The following RUFY1 variants were observed in gnomAD, a reference collection of about 807,000 sequenced individuals.
RUFY1 encodes RUN and FYVE domain containing 1, also known as RUN and FYVE domain-containing protein 1.
Under a neutral mutation model 94.6 loss-of-function variants are expected in RUFY1, and 54 were observed. The observed-to-expected ratio is 0.57, with a 90% CI of 0.46 to 0.72. RUFY1 has a LOEUF of 0.72. RUFY1 is among the 30% of genes least tolerant of loss of function. The pLI is 0.00. For synonymous variants in RUFY1, 396 were observed against 347.3 expected (o/e 1.14, Z -1.56); for missense variants, 883 against 883.9 (o/e 1.00, Z 0.01).
chr5:179,574,395 A>G (rs1415353418), intron 5 of RUFY1, among the ~76,000 whole-genome samples: 1 of 151,820 alleles, frequency 6.6e-6, no homozygotes, highest in African/African-American at 2.4e-5. Flanking sequence ...ACTCCGTCTC[A>G]AAAAAAATAA....
chr5:179,592,868 T>C (rs1454232127), intron 10 of RUFY1, among the ~76,000 whole-genome samples: 1 of 152,216 alleles, frequency 6.6e-6, no homozygotes, highest in Non-Finnish European at 1.5e-5. Context: ...GAGACAGATA[T>C]TCTTTGAAAA....
At chr5:179,585,378 ACCAG>A (rs1764521834) in intron 7 of RUFY1, among the ~76,000 whole-genome samples, 1 of 152,172 alleles carries the variant, frequency 6.6e-6, no homozygotes, top group South Asian at 2.1e-4. Context: ...GGAGTTCGAG[ACCAG>A]CCTGGCCAAC....
chr5:179,599,091 G>T (rs1290385366), intron 14 of RUFY1, among the ~76,000 whole-genome samples: 1 of 152,248 alleles, frequency 6.6e-6, no homozygotes, highest in Non-Finnish European at 1.5e-5. Flanking sequence ...GGCCTGGGGA[G>T]GGAGCGACCG....
intron 6 of RUFY1, among the ~76,000 whole-genome samples, chr5:179,577,823 C>T (rs1293408393): frequency 6.8e-6 from 1 of 146,656 alleles, no homozygotes; most frequent in Non-Finnish European, 1.5e-5. Flanking sequence ...TGGTGTCCCC[C>T]GCCTGCCGAA....
intron 3 of RUFY1, 67 bp from the exon 4 acceptor site, chr5:179,567,394 A>T: frequency 8.6e-7 from 1 of 1,162,550 alleles, no homozygotes; most frequent in African/African-American, 1.5e-5. Context: ...TCCCTGGCTA[A>T]ATCAGGTGTC....
At chr5:179,564,991 T>G (rs1231090896) in intron 3 of RUFY1, among the ~76,000 whole-genome samples, 2 of 138,038 alleles carry the variant, frequency 1.4e-5, no homozygotes, top group African/African-American at 5.0e-5. Flanking sequence ...TGTTAAATTT[T>G]TTTGTAAAAA....
chr5:179,580,248 T>A (rs372041454), intron 6 of RUFY1, among the ~76,000 whole-genome samples: 11,911 of 144,612 alleles, frequency 0.082, 638 homozygotes, highest in Middle Eastern at 0.11. Flanking sequence ...TGTGTATATT[T>A]TTTTTTTTTT....
intron 5 of RUFY1, among the ~76,000 whole-genome samples, chr5:179,575,847 T>C (rs1212146541): frequency 2.6e-5 from 4 of 152,246 alleles, no homozygotes; most frequent in South Asian, 4.1e-4. Context: ...AGTGGCATGA[T>C]CTCAGCTCAC....
intron 7 of RUFY1, 97 bp from the exon 8 acceptor site, chr5:179,585,699 A>T (rs1764554931): frequency 1.1e-6 from 1 of 890,228 alleles, no homozygotes; most frequent in Non-Finnish European, 1.8e-6. Context: ...TTTCCATTTC[A>T]TACAGGAAAT....
chr5:179,554,109 G>A (rs1026997144), intron 1 of RUFY1, among the ~76,000 whole-genome samples: 1 of 152,252 alleles, frequency 6.6e-6, no homozygotes, highest in Non-Finnish European at 1.5e-5. Context: ...CACAAGCAAT[G>A]AGGACAGGCA....
At chr5:179,586,442 G>T in intron 8 of RUFY1, 1 of 456,594 alleles carries the variant, frequency 2.2e-6, no homozygotes, top group Non-Finnish European at 4.4e-6. Flanking sequence ...GTTAGCAGGA[G>T]GGGGGTGCTC....
chr5:179,571,787 T>C (rs1311042547), intron 5 of RUFY1, among the ~76,000 whole-genome samples: 2 of 151,942 alleles, frequency 1.3e-5, no homozygotes, highest in East Asian at 3.9e-4. Flanking sequence ...ACAAGTATTT[T>C]CCTGTTTTAT....
chr5:179,594,179 C>T lies in RUFY1; in HGVS notation c.1413+534C>T, dbSNP rs536938738. ...TAGCTGGGCATGGAGGTGCACGCCT[C>T]TAATCCCAGATACTCAGAAGGCTGA... On this transcript the variant is annotated intron_variant, in intron 11 of 17. Transcript: ENST00000319449. 2.6e-5 allele frequency among the ~76,000 whole-genome samples: 4 copies of T among 151,968 alleles called. No individual in the cohort carries two copies. The South Asian group carries it at 8.3e-4, about 32-fold the overall frequency.
intron 9 of RUFY1, among the ~76,000 whole-genome samples, chr5:179,591,424 T>G (rs1213414788): frequency 2.0e-5 from 3 of 148,362 alleles, no homozygotes; most frequent in Non-Finnish European, 4.5e-5. Flanking sequence ...GACCTCGTGA[T>G]CCGCCCGCCT....
chr5:179,586,038 C>T (rs1173129458), intron 8 of RUFY1, among the ~76,000 whole-genome samples, 173 bp downstream of exon 8: 1 of 152,176 alleles, frequency 6.6e-6, no homozygotes, highest in Non-Finnish European at 1.5e-5. Flanking sequence ...GTCCGAGGCT[C>T]CCAGTGAGAC....
intron 15 of RUFY1, among the ~76,000 whole-genome samples, chr5:179,602,967 T>G (rs1233532833): frequency 2.6e-5 from 4 of 152,172 alleles, no homozygotes; most frequent in African/African-American, 9.7e-5. Flanking sequence ...TTGTAGAGTC[T>G]AGTACTATTA....
At chr5:179,561,715 C>G (rs1376188292) in intron 2 of RUFY1, among the ~76,000 whole-genome samples, 11 of 96,576 alleles carry the variant, frequency 1.1e-4, no homozygotes, top group Non-Finnish European at 2.1e-4. Flanking sequence ...AAGAGTCTCG[C>G]TCTGTCCCCC....
rs1235731265 is a variant in RUFY1, at chr5:179,562,586, G to T, written c.524G>T (p.Gly175Val). The change falls in exon 3 of 18, where the codon GGT becomes GTT. Residue 175 changes from glycine (G) to valine (V), a missense_variant. Physicochemically the swap from Gly to Val is moderately radical, Grantham distance 109. Coordinates refer to ENST00000319449, the MANE Select transcript of RUFY1 (RefSeq NM_025158.5). Reference sequence around the variant, plus strand: ...ATTGGCCAAAATAAATCATTCTTTGGTCCTTTGGAGCTGGTGGAGAAACTT... The same window carrying T: ...ATTGGCCAAAATAAATCATTCTTTGTTCCTTTGGAGCTGGTGGAGAAACTT... ...SFIGQNKSFF[G>V]PLELVEKLCP... The T allele has an allele frequency of 3.1e-6, 5 of 1,610,986 alleles. No homozygotes were observed. The highest frequency in any genetic ancestry group is 4.2e-6 in the Non-Finnish European group (5 of 1,177,396).
intron 3 of RUFY1, among the ~76,000 whole-genome samples, chr5:179,564,198 C>T (rs1308072022): frequency 2.0e-5 from 3 of 149,626 alleles, no homozygotes; most frequent in Non-Finnish European, 4.4e-5. Context: ...CGGCTCACTG[C>T]TACCTCCACC....
Sources: gnomAD v4.1 joint callset for allele counts (sites outside exome capture counted in the v4.1 genomes callset) on GRCh38, gnomAD v4.1.1 for gene constraint, MANE v1.5 for transcripts, NCBI Gene and HGNC (gene_info 2026-07-23, HGNC 2026-07-21) for gene names.